NCAM2: variants seen among roughly 807,000 people sequenced by gnomAD.
NCAM2 encodes the protein neural cell adhesion molecule 2.
NCAM2 carries 30 observed loss-of-function variants against 98.1 expected under a neutral mutation model. The observed-to-expected ratio is 0.31, with a 90% CI of 0.23 to 0.41. The LOEUF (loss-of-function observed/expected upper bound fraction) is 0.41, where lower values mean the gene tolerates loss of function less well. NCAM2 is among the 10% of genes least tolerant of loss of function. The pLI is 1.00. For missense variants in NCAM2, 867 were observed against 1,005.8 expected (o/e 0.86, Z 1.87); for synonymous variants, 368 against 342.4 (o/e 1.07, Z -0.83).
At position 21,432,076 on chromosome 21, in the gene NCAM2, G is replaced by C. The variant is rs565380782; in HGVS notation, c.1481-32G>C. 7 of 1,597,748 alleles carry C rather than the reference G, an allele frequency of 4.4e-6. No homozygotes were observed. In the South Asian group the frequency reaches 7.7e-5, roughly 18 times the overall value. ...AATAATGGCCATTCCCATTCCCTTG[G>C]TTATGTTTTCTTTATATTTCTTTGT... On this transcript the variant is annotated intron_variant, in intron 11 of 17. Transcript: ENST00000400546.
intron 9 of NCAM2, among the ~76,000 whole-genome samples, chr21:21,409,863 C>A (rs2076820664): frequency 6.6e-6 from 1 of 152,194 alleles, no homozygotes; most frequent in Non-Finnish European, 1.5e-5. Flanking sequence ...GTAATTCCAG[C>A]ACTTTGGGAG....
At chr21:21,059,777 C>T (rs1018296864) in intron 1 of NCAM2, among the ~76,000 whole-genome samples, 10 of 152,040 alleles carry the variant, frequency 6.6e-5, no homozygotes, top group Non-Finnish European at 1.5e-4. Flanking sequence ...TGCCACACTG[C>T]ACATGGGTGT....
chr21:21,365,238 C>CGTGTGTGTGT (rs66559489), intron 8 of NCAM2, among the ~76,000 whole-genome samples: 14,151 of 146,834 alleles, frequency 0.096, 772 homozygotes, highest in East Asian at 0.21. Context: ...TTGCTTAGTG[C>CGTGTGTGTGT]GTGTGTGTGT....
chr21:21,023,071 A>G (rs1399904808), intron 1 of NCAM2, among the ~76,000 whole-genome samples: 1 of 152,240 alleles, frequency 6.6e-6, no homozygotes, highest in Admixed American at 6.5e-5. Context: ...TACCTAAATA[A>G]GAACATGGGA....
At chr21:21,008,069 T>C (rs1255501170) in intron 1 of NCAM2, among the ~76,000 whole-genome samples, 1 of 152,192 alleles carries the variant, frequency 6.6e-6, no homozygotes, top group Non-Finnish European at 1.5e-5. Flanking sequence ...GTAAGTATCA[T>C]GCATGAGAGA....
intron 10 of NCAM2, among the ~76,000 whole-genome samples, 192 bp from the exon 11 acceptor site, chr21:21,418,281 G>A (rs183061571): frequency 4.0e-5 from 6 of 151,796 alleles, no homozygotes; most frequent in Admixed American, 6.6e-5. Flanking sequence ...TGGATATTAC[G>A]GGCTCATGGA....
At chr21:21,270,115 G>A (rs1457909075) in intron 1 of NCAM2, among the ~76,000 whole-genome samples, 1 of 152,102 alleles carries the variant, frequency 6.6e-6, no homozygotes, top group African/African-American at 2.4e-5. Context: ...TATTAGTGGT[G>A]ATAAAAAAAT....
At chr21:21,220,093 G>T (rs1047405493) in intron 1 of NCAM2, among the ~76,000 whole-genome samples, 9 of 151,976 alleles carry the variant, frequency 5.9e-5, no homozygotes, top group African/African-American at 2.2e-4. Context: ...AAAAAAAGTT[G>T]CAGTAAGCTA....
In NCAM2 at chr21:21,338,242, T is replaced by C. The variant is rs150701277; in HGVS notation, c.899-147T>C. On this transcript the variant is annotated intron_variant, in intron 7 of 17. Transcript: ENST00000400546. The stretch of plus-strand genomic sequence containing the variant: ...TGTGCTATTCAACTGTCCTGGTACG[T>C]CTGTAAGGCAAAGCAGGCCACTGTA... 5.7e-4 allele frequency: 379 copies of C among 666,162 alleles called. 1 individual carries two copies. In the African/African-American group the frequency reaches 6.8e-3, roughly 12 times the overall value. The allele number at this position is 666,162 out of a possible 1,614,324, so 41.3% of individuals were successfully genotyped here. A position where few individuals can be genotyped will look rare whatever the true frequency, so the allele number is the denominator to read the frequency against.
intron 6 of NCAM2, among the ~76,000 whole-genome samples, chr21:21,325,187 G>T (rs1267151657): frequency 2.0e-5 from 3 of 152,106 alleles, no homozygotes; most frequent in Non-Finnish European, 4.4e-5. Flanking sequence ...CATTAGTAAT[G>T]CAGGTTGCTA....
intron 1 of NCAM2, among the ~76,000 whole-genome samples, chr21:21,020,065 C>T (rs186496580): frequency 1.5e-4 from 23 of 152,138 alleles, no homozygotes; most frequent in African/African-American, 4.6e-4. Flanking sequence ...GAGATGCTGT[C>T]TCGCACTGCT....
chr21:21,079,677 C>T (rs1187370065), intron 1 of NCAM2, among the ~76,000 whole-genome samples: 1 of 151,944 alleles, frequency 6.6e-6, no homozygotes. Context: ...TGTTTCTGCC[C>T]CCTACCCAGA....
chr21:21,295,493 C>T (rs2073444373), intron 5 of NCAM2, among the ~76,000 whole-genome samples: 1 of 151,876 alleles, frequency 6.6e-6, no homozygotes, highest in East Asian at 1.9e-4. Context: ...GATTATGCAT[C>T]TTCACCCAGT....
rs1048916951 is a variant in NCAM2 at position 21,418,528 on chromosome 21, A to T, written c.1439A>T (p.His480Leu). The change falls in exon 11 of 18, where the codon CAT becomes CTT. Residue 480 changes from histidine (H) to leucine (L), a missense_variant. His to Leu is a moderately conservative substitution (Grantham distance 99, BLOSUM62 -3). Coordinates refer to ENST00000400546, the MANE Select transcript of NCAM2 (RefSeq NM_004540.5). Reference sequence around the variant, plus strand: ...CGCTATAATTGCACAGCCACTAATCATATAGGAACAAGATTTCAAGAATAT... The same window carrying T: ...CGCTATAATTGCACAGCCACTAATCTTATAGGAACAAGATTTCAAGAATAT... ...FGRYNCTATN[H>L]IGTRFQEYIL... The T allele has an allele frequency of 1.6e-5, 26 of 1,612,426 alleles. No homozygotes were observed. Among genetic ancestry groups the T allele is most frequent in the Non-Finnish European group, 2.1e-5 (25 of 1,178,746 alleles).
At chr21:21,222,690 G>A (rs2070218822) in intron 1 of NCAM2, among the ~76,000 whole-genome samples, 1 of 152,106 alleles carries the variant, frequency 6.6e-6, no homozygotes, top group Non-Finnish European at 1.5e-5. Context: ...AAAGGAAGTG[G>A]TTTCTAGATG....
chr21:21,169,637 G>C (rs9637138), intron 1 of NCAM2, among the ~76,000 whole-genome samples: 136,408 of 152,154 alleles, frequency 0.9, 61,683 homozygotes, highest in Non-Finnish European at 0.96. Flanking sequence ...AAACCCTGAG[G>C]AGACACCTCA....
intron 1 of NCAM2, among the ~76,000 whole-genome samples, chr21:21,151,025 G>A (rs1424991639): frequency 4.6e-5 from 7 of 151,458 alleles, no homozygotes; most frequent in Admixed American, 6.6e-5. Context: ...TACCATTCTT[G>A]TGTCAGTTTT....
At chr21:21,517,719 G>A (rs555834653) in intron 16 of NCAM2, among the ~76,000 whole-genome samples, 38 of 152,052 alleles carry the variant, frequency 2.5e-4, no homozygotes, top group African/African-American at 8.5e-4. Context: ...TTAGCTTGGC[G>A]TGGTGGTGCA....
At chr21:21,457,408 G>A (rs1380576584) in intron 12 of NCAM2, among the ~76,000 whole-genome samples, 1 of 152,156 alleles carries the variant, frequency 6.6e-6, no homozygotes, top group African/African-American at 2.4e-5. Context: ...TTGGAAGGCC[G>A]AGGCGGGCAG....
Sources: allele counts gnomAD v4.1 joint callset (sites outside exome capture counted in the v4.1 genomes callset), GRCh38; gene constraint gnomAD v4.1.1; transcripts MANE v1.5; gene names NCBI Gene and HGNC (gene_info 2026-07-23, HGNC 2026-07-21).